SPSB1: variants seen among roughly 807,000 people sequenced by gnomAD.
SPSB1 encodes SPRY domain-containing SOCS box protein 1.
In SPSB1, 8 loss-of-function variants were observed where a neutral mutation model predicts 21.2. That is an observed-to-expected ratio of 0.38 (90% CI 0.22 to 0.68). The LOEUF (loss-of-function observed/expected upper bound fraction) is 0.68. Ranked by LOEUF, SPSB1 falls within the 30% of genes least tolerant of loss-of-function variation. The pLI is 0.53. For synonymous variants in SPSB1, 169 were observed against 161.7 expected (o/e 1.05, Z -0.34); for missense variants, 242 against 377.8 (o/e 0.64, Z 2.98).
intron 2 of SPSB1, among the ~76,000 whole-genome samples, chr1:9,357,865 G>A (rs1343563185): frequency 6.6e-6 from 1 of 152,172 alleles, no homozygotes; most frequent in Non-Finnish European, 1.5e-5. Context: ...AGAGTTCCTT[G>A]CCTGCATGAG....
At chr1:9,355,634 C>T (rs1231916390) in intron 1 of SPSB1, 109 bp from the exon 2 acceptor site, 2 of 1,185,136 alleles carry the variant, frequency 1.7e-6, no homozygotes, top group Non-Finnish European at 2.1e-6. Context: ...TGACAGAGCC[C>T]AGGTGCAGGC....
At chr1:9,325,170 CAT>C (rs1407925503) in intron 1 of SPSB1, among the ~76,000 whole-genome samples, 1 of 152,022 alleles carries the variant, frequency 6.6e-6, no homozygotes, top group East Asian at 1.9e-4. Flanking sequence ...GGGCGCTGGG[CAT>C]CCAAGAAGAC....
chr1:9,326,704 ACAG>A (rs1253808107), intron 1 of SPSB1, among the ~76,000 whole-genome samples: 1 of 152,170 alleles, frequency 6.6e-6, no homozygotes, highest in African/African-American at 2.4e-5. Context: ...CCAGAGAAAA[ACAG>A]CAGCCTGATC....
At position 9,307,088 on chromosome 1, in the gene SPSB1, T is replaced by C. The variant is rs745901037; in HGVS notation, c.-150+14017T>C. 1.3e-4 allele frequency among the ~76,000 whole-genome samples: 20 copies of C among 151,982 alleles called. 1 individual carries two copies. The highest frequency in any genetic ancestry group is 2.1e-4 in the South Asian group (1 of 4,820). ...GATTACAGGCACGTGCCACCACGCC[T>C]GGCTAATTTTTGTATTTTTAGTAGA... On this transcript the variant is annotated intron_variant, in intron 1 of 2. Transcript: ENST00000328089.
rs1206837834 is a variant in SPSB1, at chr1:9,355,731, T to G, written c.-149-12T>G. Reference sequence around the variant, plus strand: ...GTCCTGCTCACCGGTTGTTTGTCTTTCCGTCCATTAGGCAATACTGAACAC... The same window carrying G: ...GTCCTGCTCACCGGTTGTTTGTCTTGCCGTCCATTAGGCAATACTGAACAC... On this transcript the variant is annotated splice_polypyrimidine_tract_variant and intron_variant, in intron 1 of 2. Coordinates refer to ENST00000328089, the MANE Select transcript of SPSB1 (RefSeq NM_025106.4). The G allele has an allele frequency of 6.6e-6, 9 of 1,362,546 alleles. No homozygotes were observed. The highest frequency in any genetic ancestry group is 8.5e-6 in the Non-Finnish European group (9 of 1,056,584). 84.4% of individuals were successfully genotyped at this position (1,362,546 alleles called of 1,614,324 possible).
At chr1:9,360,515 A>T (rs375086439) in intron 2 of SPSB1, among the ~76,000 whole-genome samples, 1 of 152,166 alleles carries the variant, frequency 6.6e-6, no homozygotes, top group African/African-American at 2.4e-5. Context: ...GGTGTCTGCG[A>T]TCAGGATGGT....
intron 2 of SPSB1, among the ~76,000 whole-genome samples, chr1:9,357,906 G>T (rs968912502): frequency 6.6e-6 from 1 of 152,162 alleles, no homozygotes; most frequent in Non-Finnish European, 1.5e-5. Context: ...TCCCACGTTG[G>T]GAAGCAAGTG....
At chr1:9,336,625 G>T (rs1357662927) in intron 1 of SPSB1, among the ~76,000 whole-genome samples, 1 of 152,240 alleles carries the variant, frequency 6.6e-6, no homozygotes, top group East Asian at 1.9e-4. Context: ...CTGGGGCAGA[G>T]GCAGGGGCAG....
rs1557467297 is a variant in SPSB1 at position 9,361,160 on chromosome 1, T to TTTTTTTTTTTTTTTTTTC, written c.694+4592_694+4593insCTTTTTTTTTTTTTTTTT. Among the ~76,000 whole-genome samples the TTTTTTTTTTTTTTTTTTC allele has an allele frequency of 2.6e-4, 29 of 110,938 alleles. 4 individuals carry two copies. The highest frequency in any genetic ancestry group is 1.4e-3 in the East Asian group (5 of 3,672). The allele number at this position is 110,938 out of a possible 152,430, so 72.8% of individuals were successfully genotyped here. On this transcript the variant is annotated intron_variant, in intron 2 of 2. Coordinates refer to ENST00000328089, the MANE Select transcript of SPSB1 (RefSeq NM_025106.4). Reference sequence around the variant, plus strand: ...CATGGCTGGATCTGTCATTTTCTTTTTTTTTTTTTTTTTTTTTTTTTTTAG... The same window carrying TTTTTTTTTTTTTTTTTTC: ...CATGGCTGGATCTGTCATTTTCTTTTTTTTTTTTTTTTTTTTTCTTTTTTTTTTTTTTTTTTTTTTTAG...
chr1:9,299,130 T>C (rs1311875803), intron 1 of SPSB1, among the ~76,000 whole-genome samples: 2 of 152,226 alleles, frequency 1.3e-5, no homozygotes, highest in Non-Finnish European at 2.9e-5. Context: ...ACTGCAAAAT[T>C]CACACATCTC....
intron 1 of SPSB1, among the ~76,000 whole-genome samples, chr1:9,295,241 T>TGTGC (rs1315022368): frequency 3.8e-5 from 5 of 132,214 alleles, no homozygotes; most frequent in Admixed American, 2.2e-4. Flanking sequence ...TGTGTGTGTG[T>TGTGC]GCGCGCGTGC....
chr1:9,354,770 C>T (rs1040845792), intron 1 of SPSB1, among the ~76,000 whole-genome samples: 2 of 151,886 alleles, frequency 1.3e-5, no homozygotes, highest in East Asian at 1.9e-4. Flanking sequence ...CACTGCACTC[C>T]AGCCTGGGCG....
chr1:9,296,788 G>A (rs1207754768), intron 1 of SPSB1, among the ~76,000 whole-genome samples: 1 of 152,208 alleles, frequency 6.6e-6, no homozygotes, highest in Non-Finnish European at 1.5e-5. Flanking sequence ...TCTGACTTGG[G>A]CTTGAGGCTC....
intron 1 of SPSB1, among the ~76,000 whole-genome samples, chr1:9,329,322 A>G (rs1639875827): frequency 1.3e-5 from 2 of 151,952 alleles, no homozygotes; most frequent in Non-Finnish European, 2.9e-5. Flanking sequence ...GGATGGGTGG[A>G]CGTGTGTGAG....
intron 1 of SPSB1, among the ~76,000 whole-genome samples, chr1:9,302,284 G>T (rs1639342461): frequency 6.6e-6 from 1 of 152,228 alleles, no homozygotes; most frequent in Admixed American, 6.5e-5. Context: ...CAGGTAGATG[G>T]TAAAGCATTG....
Position 9,319,575 on chromosome 1 carries a change from C to T in SPSB1, c.-150+26504C>T, listed in dbSNP as rs1003421788. 5.3e-5 allele frequency among the ~76,000 whole-genome samples: 8 copies of T among 152,114 alleles called. No homozygotes were observed. The South Asian group carries it at 6.2e-4, about 12-fold the overall frequency. ...TGGAGGAGGTGGGGAGCGCTTGGGT[C>T]AGGCCCTCTGGCCTGCGCATGCTGT... On this transcript the variant is annotated intron_variant, in intron 1 of 2. Transcript: ENST00000328089.
intron 1 of SPSB1, among the ~76,000 whole-genome samples, chr1:9,318,316 C>G (rs1639647718): frequency 6.6e-6 from 1 of 152,250 alleles, no homozygotes; most frequent in Non-Finnish European, 1.5e-5. Flanking sequence ...GTTGTTCTCT[C>G]CGGCCTCTGC....
intron 1 of SPSB1, among the ~76,000 whole-genome samples, chr1:9,327,404 A>G (rs1339314236): frequency 6.6e-6 from 1 of 152,146 alleles, no homozygotes; most frequent in Non-Finnish European, 1.5e-5. Context: ...AAAACAGGAT[A>G]GTAGCTGCTG....
intron 1 of SPSB1, among the ~76,000 whole-genome samples, chr1:9,339,092 G>C (rs919461117): frequency 6.6e-6 from 1 of 152,156 alleles, no homozygotes; most frequent in South Asian, 2.1e-4. Context: ...GCTCCGGCCA[G>C]GGCTGATCCA....
Sources: gnomAD v4.1 joint callset for allele counts (sites outside exome capture counted in the v4.1 genomes callset) on GRCh38, gnomAD v4.1.1 for gene constraint, MANE v1.5 for transcripts, NCBI Gene and HGNC (gene_info 2026-07-23, HGNC 2026-07-21) for gene names.